Variants in CHRNA2 observed in about 807,000 individuals in gnomAD.
The protein encoded by CHRNA2 is cholinergic receptor nicotinic alpha 2 subunit.
In CHRNA2, 40 loss-of-function variants were observed where a neutral mutation model predicts 45.5. The observed-to-expected ratio is 0.88, with a 90% CI of 0.68 to 1.15. The LOEUF (loss-of-function observed/expected upper bound fraction) is 1.15. Ranked by LOEUF, CHRNA2 falls within the 50% of genes most tolerant of loss-of-function variation. CHRNA2 has a pLI of 0.00. For missense variants in CHRNA2, 655 were observed against 701.7 expected (o/e 0.93, Z 0.75); for synonymous variants, 301 against 296.7 (o/e 1.01, Z -0.15).
chr8:27,462,858 G>T, intron 6 of CHRNA2, 121 bp downstream of exon 6: 1 of 1,188,496 alleles, frequency 8.4e-7, no homozygotes, highest in Non-Finnish European at 1.2e-6. Context: ...GACCATGACT[G>T]AGGAAAGTGG....
intron 1 of CHRNA2, chr8:27,477,325 A>G (rs1264899600): frequency 2.0e-5 from 3 of 152,178 alleles, no homozygotes; most frequent in Non-Finnish European, 4.4e-5. Flanking sequence ...GTGCAGATTC[A>G]CTTTCTCATC....
At chr8:27,470,132 G>T in intron 2 of CHRNA2, 151 bp from the exon 3 acceptor site, 4 of 786,288 alleles carry the variant, frequency 5.1e-6, no homozygotes, top group Middle Eastern at 6.7e-4. Context: ...AGCAGGCTGC[G>T]GGGTCGGAGC....
At chr8:27,464,086 C>T (rs2132654808) in intron 5 of CHRNA2, 93 bp from the exon 6 acceptor site, 3 of 1,424,486 alleles carry the variant, frequency 2.1e-6, no homozygotes, top group East Asian at 2.4e-5. Flanking sequence ...ACCCGAAGAA[C>T]CAAGTCAGAC....
At chr8:27,462,777 A>G (rs567030443) in intron 6 of CHRNA2, among the ~76,000 whole-genome samples, 69 of 152,304 alleles carry the variant, frequency 4.5e-4, no homozygotes, top group Admixed American at 3.3e-4. Flanking sequence ...GGTGTGTAAC[A>G]TGCCACGTGC....
chr8:27,463,093 C>A lies in CHRNA2; in HGVS notation c.1350G>T (p.Lys450Asn). 1.9e-6 allele frequency: 3 copies of A among 1,612,152 alleles called. No individual in the cohort carries two copies. The highest frequency in any genetic ancestry group is 2.5e-6 in the Non-Finnish European group (3 of 1,178,338). ...CACCCTCCTGCAGCAGAGCCTCAGC[C>A]TTGGGACCTGAGGCCCCAGAGTGCA... Reference protein sequence around the residue: ...GHLHSGASGPKAEALLQEGEL... With the variant: ...GHLHSGASGPNAEALLQEGEL... The change falls in exon 6 of 7, where the codon AAG (lysine) becomes AAT (asparagine). Residue 450 changes from lysine (K) to asparagine (N), a missense_variant. Physicochemically the swap from Lys to Asn is moderately conservative, Grantham distance 94. Around this residue, in one of 3 missense-constraint regions of CHRNA2, gnomAD observed 295 missense variants for 280.4 expected, o/e 1.05. Transcript: ENST00000407991. The surrounding 1 kb of genome is among the most constrained non-coding windows in gnomAD (Gnocchi z 6.1).
chr8:27,471,577 A>G (rs191898048), intron 1 of CHRNA2, among the ~76,000 whole-genome samples: 1 of 152,376 alleles, frequency 6.6e-6, no homozygotes, highest in Admixed American at 6.5e-5. Context: ...TGTCCAAACA[A>G]ATGTCCATCA....
At chr8:27,468,217 C>T (rs1261477857) in intron 4 of CHRNA2, among the ~76,000 whole-genome samples, 1 of 152,230 alleles carries the variant, frequency 6.6e-6, no homozygotes, top group East Asian at 1.9e-4. Flanking sequence ...CCTGCCACCC[C>T]AACCCTGAAG....
intron 1 of CHRNA2, among the ~76,000 whole-genome samples, chr8:27,472,148 G>A (rs1323616845): frequency 1.3e-5 from 2 of 152,172 alleles, no homozygotes; most frequent in Non-Finnish European, 2.9e-5. Context: ...AAACCTTGCC[G>A]TATGCATCTC....
At chr8:27,462,882 G>C (rs559332754) in intron 6 of CHRNA2, 97 bp downstream of exon 6, 3 of 1,471,058 alleles carry the variant, frequency 2.0e-6, no homozygotes, top group Non-Finnish European at 2.8e-6. Context: ...TTCACGAGAG[G>C]GGCCTGGGCT....
At chr8:27,473,543 C>CA (rs1461649892) in intron 1 of CHRNA2, among the ~76,000 whole-genome samples, 7 of 121,724 alleles carry the variant, frequency 5.8e-5, no homozygotes, top group Non-Finnish European at 1.0e-4. Context: ...GCCGTCTCTA[C>CA]AAAAAATTCA....
chr8:27,478,632 G>A (rs182568113), intron 1 of CHRNA2, among the ~76,000 whole-genome samples, 192 bp downstream of exon 1: 4 of 152,246 alleles, frequency 2.6e-5, no homozygotes, highest in South Asian at 2.1e-4. Flanking sequence ...GGTGTTCATC[G>A]TCACCTGGCT....
intron 4 of CHRNA2, 102 bp downstream of exon 4, chr8:27,469,233 T>A (rs559195609): frequency 6.5e-5 from 75 of 1,159,590 alleles, no homozygotes; most frequent in Non-Finnish European, 9.4e-5. Flanking sequence ...GTTCAGGGTC[T>A]TGCTGTTCCT....
At position 27,476,693 on chromosome 8, in the gene CHRNA2, C is replaced by T. The variant is rs143466269; in HGVS notation, c.-137+2131G>A. ...TTCCCCATTTACCTGTGGCTCAGTG[C>T]CATCTAGAAGTTTCATTTGCTAGTT... On this transcript the variant is annotated intron_variant, in intron 1 of 6. Coordinates refer to ENST00000407991, the MANE Select transcript of CHRNA2 (RefSeq NM_000742.4). 1.7e-3 allele frequency among the ~76,000 whole-genome samples: 266 copies of T among 152,270 alleles called. 2 individuals are homozygous for T. Among genetic ancestry groups the T allele is most frequent in the African/African-American group, 6.2e-3 (256 of 41,546 alleles).
chr8:27,477,463 A>G (rs1443832226), intron 1 of CHRNA2, among the ~76,000 whole-genome samples: 1 of 152,120 alleles, frequency 6.6e-6, no homozygotes, highest in Non-Finnish European at 1.5e-5. Context: ...GCATGCTAAC[A>G]TTGCATCATT....
Position 27,461,598 on chromosome 8 carries a change from T to C in CHRNA2, c.*31A>G, listed in dbSNP as rs1425972696. The C allele has an allele frequency of 1.2e-6, 2 of 1,613,294 alleles. No individual in the cohort carries two copies. Among genetic ancestry groups the C allele is most frequent in the East Asian group, 2.2e-5 (1 of 44,838 alleles). ...ACGGTCAAAAGATGGTCAGCGGGGGTGCCCTGGGAGCCAGCTCGAGGGAGG... is the reference window on the plus strand; with the variant it reads ...ACGGTCAAAAGATGGTCAGCGGGGGCGCCCTGGGAGCCAGCTCGAGGGAGG... On this transcript the variant is annotated 3_prime_UTR_variant, in exon 7 of 7. Coordinates refer to ENST00000407991, the MANE Select transcript of CHRNA2 (RefSeq NM_000742.4).
At chr8:27,467,655 T>C (rs1161509055) in intron 4 of CHRNA2, 1 of 356,024 alleles carries the variant, frequency 2.8e-6, no homozygotes, top group African/African-American at 2.1e-5. Context: ...TCATCTCTAG[T>C]GAAATCTCTC....
At position 27,463,707 on chromosome 8, in the gene CHRNA2, C is replaced by A. The variant is rs767492985; in HGVS notation, c.736G>T (p.Asp246Tyr). The A allele has an allele frequency of 8.8e-6, 14 of 1,586,998 alleles. No individual in the cohort carries two copies. The South Asian group carries it at 1.6e-4, about 18-fold the overall frequency. The change falls in exon 6 of 7, where the codon GAC becomes TAC. Residue 246 changes from aspartate to tyrosine, a missense_variant. By Grantham distance (160) the Asp-to-Tyr change is radical. This residue lies in a region of CHRNA2 where 323 missense variants were observed against 354.4 expected (regional missense o/e 0.91). Coordinates refer to ENST00000407991, the MANE Select transcript of CHRNA2 (RefSeq NM_000742.4). The surrounding 1 kb of genome is among the most constrained non-coding windows in gnomAD (Gnocchi z 6.1). ...ATGTYNSKKY[D>Y]CCAEIYPDVT... ...TCGGGGTAGATCTCGGCGCAGCAGT[C>A]GTACTTCTTGCTGTTGTAGGTGCCC...
intron 4 of CHRNA2, 123 bp from the exon 5 acceptor site, chr8:27,467,461 C>T: frequency 4.1e-6 from 3 of 723,258 alleles, no homozygotes; most frequent in Non-Finnish European, 7.2e-6. Context: ...CAGGGCTCCC[C>T]ACCCAGCCCA....
chr8:27,465,081 A>G (rs1812655704), intron 5 of CHRNA2, among the ~76,000 whole-genome samples: 2 of 152,310 alleles, frequency 1.3e-5, no homozygotes, highest in Non-Finnish European at 2.9e-5. Flanking sequence ...GCCTTCCAGT[A>G]GAGGGTCACA....
Sources: allele counts gnomAD v4.1 joint callset (sites outside exome capture counted in the v4.1 genomes callset), GRCh38; gene constraint gnomAD v4.1.1; regional missense constraint gnomAD v4.1.1; non-coding constraint Gnocchi (gnomAD v3.1); transcripts MANE v1.5; gene names NCBI Gene and HGNC (gene_info 2026-07-23, HGNC 2026-07-21).